The following ASIC2 variants were observed in gnomAD, a reference collection of about 807,000 sequenced individuals.
The protein encoded by ASIC2 is acid sensing ion channel subunit 2, also known as acid-sensing ion channel 2.
A neutral mutation model predicts 57.3 loss-of-function variants in ASIC2; 25 were observed. That is an observed-to-expected ratio of 0.44 (90% confidence interval 0.32 to 0.61). ASIC2 has a LOEUF of 0.61. ASIC2 is among the 20% of genes least tolerant of loss of function. ASIC2 has a pLI of 0.06. For missense variants in ASIC2, 641 were observed against 738.1 expected, an observed-to-expected ratio of 0.87 and a Z score of 1.52; for synonymous variants, 319 against 307.5, an observed-to-expected ratio of 1.04 and a Z score of -0.39.
chr17:33,073,409 A>G (rs903866772), intron 3 of ASIC2, among the ~76,000 whole-genome samples: 9 of 152,104 alleles, frequency 5.9e-5, no homozygotes, highest in Non-Finnish European at 1.3e-4. Context: ...GGTGGTGAAA[A>G]GAGCACAGGC....
intron 3 of ASIC2, among the ~76,000 whole-genome samples, chr17:33,066,063 C>G (rs1332663979): frequency 6.6e-6 from 1 of 152,094 alleles, no homozygotes; most frequent in East Asian, 1.9e-4. Context: ...GGCGGGACAC[C>G]TGGGCCCCAT....
At chr17:33,090,676 A>G (rs1390392342) in intron 2 of ASIC2, among the ~76,000 whole-genome samples, 1 of 152,154 alleles carries the variant, frequency 6.6e-6, no homozygotes, top group Non-Finnish European at 1.5e-5. Flanking sequence ...AAGCTGGCAC[A>G]GAAGAGAGTC....
intron 1 of ASIC2, among the ~76,000 whole-genome samples, chr17:33,846,928 C>T (rs1223371084): frequency 6.6e-6 from 1 of 152,042 alleles, no homozygotes; most frequent in East Asian, 1.9e-4. Flanking sequence ...GACCAGAAAA[C>T]CACAATTTTC....
intron 1 of ASIC2, among the ~76,000 whole-genome samples, chr17:33,279,286 G>A (rs1904841855): frequency 6.6e-6 from 1 of 152,126 alleles, no homozygotes; most frequent in South Asian, 2.1e-4. Context: ...GGCATATTCT[G>A]GGCATATCTA....
At chr17:33,231,923 C>A (rs535809437) in intron 1 of ASIC2, among the ~76,000 whole-genome samples, 1 of 152,262 alleles carries the variant, frequency 6.6e-6, no homozygotes, top group East Asian at 1.9e-4. Flanking sequence ...CATTACTTTT[C>A]TTTTTATCCA....
At chr17:33,509,528 T>C (rs571726253) in intron 1 of ASIC2, among the ~76,000 whole-genome samples, 23 of 152,356 alleles carry the variant, frequency 1.5e-4, no homozygotes, top group African/African-American at 5.5e-4. Context: ...GACGGCATCA[T>C]GCCAGCCTTG....
At chr17:34,140,443 C>G (rs1177785133) in intron 1 of ASIC2, among the ~76,000 whole-genome samples, 2 of 151,968 alleles carry the variant, frequency 1.3e-5, no homozygotes, top group Non-Finnish European at 2.9e-5. Context: ...GCAGCTACAC[C>G]CTAGTAGTAC....
intron 1 of ASIC2, among the ~76,000 whole-genome samples, chr17:33,150,328 T>C (rs1219334292): frequency 1.3e-5 from 2 of 152,196 alleles, no homozygotes; most frequent in African/African-American, 4.8e-5. Context: ...GCACATTTCT[T>C]TGGCACGGAT....
intron 1 of ASIC2, among the ~76,000 whole-genome samples, chr17:34,100,306 C>T (rs1910817846): frequency 6.6e-6 from 1 of 151,642 alleles, no homozygotes; most frequent in African/African-American, 2.4e-5. Context: ...CATCATGGAG[C>T]CTGGTTTATA....
rs554179136 is a variant in ASIC2, at chr17:34,138,972, G to C, written c.555+17006C>G. The stretch of plus-strand genomic sequence containing the variant: ...ACTGTAGTTTTTCCCCAGTTGATGA[G>C]TGAAAATTCTTCCTTATAATACAAT... On this transcript the variant is annotated intron_variant, in intron 1 of 9. Transcript: ENST00000359872. Among the ~76,000 whole-genome samples, 10 of 152,302 alleles carry C rather than the reference G, an allele frequency of 6.6e-5. No homozygotes were observed. In the South Asian group the frequency reaches 1.7e-3, roughly 25 times the overall value.
At chr17:34,069,674 G>A (rs1909325979) in intron 1 of ASIC2, 1 of 152,358 alleles carries the variant, frequency 6.6e-6, no homozygotes, top group South Asian at 2.1e-4. Context: ...AGGAGAAAGA[G>A]GGAAGACTAA....
At chr17:33,120,552 T>C (rs2092298101) in intron 1 of ASIC2, among the ~76,000 whole-genome samples, 1 of 152,226 alleles carries the variant, frequency 6.6e-6, no homozygotes, top group Non-Finnish European at 1.5e-5. Context: ...TTCAAGATGC[T>C]GGGCCTCTGC....
intron 1 of ASIC2, among the ~76,000 whole-genome samples, chr17:33,485,479 A>G (rs545630304): frequency 6.6e-6 from 1 of 152,350 alleles, no homozygotes; most frequent in East Asian, 1.9e-4. Flanking sequence ...GTATACAGTT[A>G]GTAGGCTCCA....
At chr17:33,460,583 A>C (rs573940029) in intron 1 of ASIC2, among the ~76,000 whole-genome samples, 1 of 152,324 alleles carries the variant, frequency 6.6e-6, no homozygotes, top group East Asian at 1.9e-4. Context: ...AAATGGGGAA[A>C]ACTAATGGCC....
chr17:33,259,856 G>A (rs1268349112), intron 1 of ASIC2, among the ~76,000 whole-genome samples: 2 of 152,154 alleles, frequency 1.3e-5, no homozygotes, highest in Non-Finnish European at 2.9e-5. Flanking sequence ...TGGTTTGTGG[G>A]TCTGGAGCCT....
Position 33,147,547 on chromosome 17 carries a change from C to CT in ASIC2, c.709-35481dup, listed in dbSNP as rs922427122. Among the ~76,000 whole-genome samples the CT allele has an allele frequency of 8.3e-3, 1,245 of 150,394 alleles. 16 individuals are homozygous for CT. Among genetic ancestry groups the CT allele is most frequent in the African/African-American group, 0.028 (1,161 of 41,010 alleles). On this transcript the variant is annotated intron_variant, in intron 1 of 9. Coordinates refer to ENST00000225823, the MANE Select transcript of ASIC2 (RefSeq NM_183377.2). ...TCTCTAACAAGTTTCAATTCAGTAT[C>CT]TTTTTTTTTTCTTACATTTAATTGG...
At chr17:33,476,504 C>CATATATATATAT (rs67811038) in intron 1 of ASIC2, among the ~76,000 whole-genome samples, 65 of 122,738 alleles carry the variant, frequency 5.3e-4, no homozygotes, top group South Asian at 8.7e-4. Flanking sequence ...TGTGTGTGTG[C>CATATATATATAT]ATATATATAT....
At chr17:33,990,178 G>C (rs1905956443) in intron 1 of ASIC2, among the ~76,000 whole-genome samples, 1 of 152,182 alleles carries the variant, frequency 6.6e-6, no homozygotes, top group African/African-American at 2.4e-5. Context: ...TAAGTCCAAA[G>C]AGCCAGACAG....
intron 1 of ASIC2, among the ~76,000 whole-genome samples, chr17:33,708,215 C>T (rs1449656111): frequency 6.6e-6 from 1 of 152,138 alleles, no homozygotes; most frequent in African/African-American, 2.4e-5. Context: ...ACATCTATTG[C>T]CTTAAATTCT....
Sources: gnomAD v4.1 joint callset for allele counts (sites outside exome capture counted in the v4.1 genomes callset) on GRCh38, gnomAD v4.1.1 for gene constraint, MANE v1.5 for transcripts, NCBI Gene and HGNC (gene_info 2026-07-23, HGNC 2026-07-21) for gene names.